Variants in COMMD1 observed in about 807,000 individuals in gnomAD.
COMMD1 encodes copper metabolism domain containing 1, also known as COMM domain-containing protein 1.
In COMMD1, 10 loss-of-function variants were observed where a neutral mutation model predicts 17.2. The ratio of observed to expected loss-of-function variants is 0.58; its 90% CI spans 0.36 to 0.99. COMMD1 has a LOEUF of 0.99. COMMD1 is among the 50% of genes least tolerant of loss of function. COMMD1 has a pLI of 0.01. For missense variants in COMMD1, 270 were observed against 231.8 expected (o/e 1.17, Z -1.07); for synonymous variants, 97 against 91.6 (o/e 1.06, Z -0.34).
intron 1 of COMMD1, among the ~76,000 whole-genome samples, chr2:61,965,002 C>T (rs1443080863): frequency 6.6e-6 from 1 of 152,112 alleles, no homozygotes; most frequent in African/African-American, 2.4e-5. Flanking sequence ...TGCCACTGTA[C>T]TCCAGCCTGG....
intron 1 of COMMD1, among the ~76,000 whole-genome samples, chr2:61,890,872 G>T (rs1037219290): frequency 6.7e-6 from 1 of 149,850 alleles, no homozygotes; most frequent in Non-Finnish European, 1.5e-5. Context: ...ACTAGGAAAT[G>T]AAGATCCATA....
chr2:62,009,308 AAAAAG>A (rs1454864683), intron 2 of COMMD1, among the ~76,000 whole-genome samples: 1 of 152,154 alleles, frequency 6.6e-6, no homozygotes, highest in Non-Finnish European at 1.5e-5. Flanking sequence ...TTATAAGAGA[AAAAAG>A]AAAGAATAAG....
At chr2:62,066,749 A>G (rs1573140096) in intron 2 of COMMD1, among the ~76,000 whole-genome samples, 1 of 132,284 alleles carries the variant, frequency 7.6e-6, no homozygotes. Flanking sequence ...TTTTTGAGAC[A>G]CAGTCTTGCT....
intron 2 of COMMD1, among the ~76,000 whole-genome samples, chr2:62,133,292 C>G (rs1286280400): frequency 6.6e-6 from 1 of 152,136 alleles, no homozygotes; most frequent in Admixed American, 6.5e-5. Context: ...AAAACCAACT[C>G]CTGAATGTTC....
At chr2:61,932,775 G>T (rs974315046) in intron 1 of COMMD1, among the ~76,000 whole-genome samples, 8 of 152,170 alleles carry the variant, frequency 5.3e-5, no homozygotes, top group Non-Finnish European at 2.9e-5. Flanking sequence ...GTGCAGGAAC[G>T]AGAGCAAATG....
intron 2 of COMMD1, among the ~76,000 whole-genome samples, chr2:62,115,205 T>C (rs1672557935): frequency 6.6e-6 from 1 of 152,214 alleles, no homozygotes; most frequent in African/African-American, 2.4e-5. Flanking sequence ...TAGAAGGTGG[T>C]GGAGTCTTTA....
At chr2:62,078,667 G>C (rs1245919531) in intron 2 of COMMD1, among the ~76,000 whole-genome samples, 1 of 151,088 alleles carries the variant, frequency 6.6e-6, no homozygotes, top group Non-Finnish European at 1.5e-5. Context: ...AGGAGTTTGA[G>C]ACCAGCGTGG....
At chr2:61,997,484 A>G (rs1372546611) in intron 1 of COMMD1, among the ~76,000 whole-genome samples, 5 of 152,160 alleles carry the variant, frequency 3.3e-5, no homozygotes, top group African/African-American at 4.8e-5. Context: ...CGTCTCCATC[A>G]GAGCTCTTGA....
At chr2:61,994,578 G>T (rs1448901957) in intron 1 of COMMD1, among the ~76,000 whole-genome samples, 2 of 152,080 alleles carry the variant, frequency 1.3e-5, no homozygotes, top group Admixed American at 1.3e-4. Context: ...GGTTCCAAAT[G>T]ATAGGAATAC....
At chr2:62,104,989 A>G (rs943408308) in intron 2 of COMMD1, among the ~76,000 whole-genome samples, 1 of 151,616 alleles carries the variant, frequency 6.6e-6, no homozygotes, top group African/African-American at 2.4e-5. Context: ...GCCAGGCATG[A>G]TGGCACCTGC....
At chr2:62,113,990 C>T (rs546189945) in intron 2 of COMMD1, among the ~76,000 whole-genome samples, 7 of 152,250 alleles carry the variant, frequency 4.6e-5, no homozygotes, top group African/African-American at 1.2e-4. Context: ...TACAATTTTC[C>T]GTTAGCTTTG....
At chr2:62,041,904 A>G (rs1670217938) in intron 2 of COMMD1, among the ~76,000 whole-genome samples, 2 of 152,240 alleles carry the variant, frequency 1.3e-5, no homozygotes, top group Admixed American at 1.3e-4. Context: ...AAGAGTGAGC[A>G]GCAGCAAGAT....
intron 1 of COMMD1, among the ~76,000 whole-genome samples, chr2:61,946,414 T>G (rs758708539): frequency 3.3e-4 from 50 of 152,328 alleles, no homozygotes; most frequent in Non-Finnish European, 6.2e-4. Flanking sequence ...CAGGTCACTT[T>G]TTTAAAAGAA....
chr2:61,988,396 G>A lies in COMMD1; in HGVS notation c.181-12305G>A, dbSNP rs11681569. Among the ~76,000 whole-genome samples, 1,508 of 152,290 alleles carry A rather than the reference G, an allele frequency of 9.9e-3. 10 individuals carry two copies. The highest frequency in any genetic ancestry group is 0.019 in the South Asian group (94 of 4,828). Reference sequence around the variant, plus strand: ...GAGGTGATGAATCCCGCCAGCAGTGGATCCTTCCCTTCATAGCAACTGGTT... The same window carrying A: ...GAGGTGATGAATCCCGCCAGCAGTGAATCCTTCCCTTCATAGCAACTGGTT... On this transcript the variant is annotated intron_variant, in intron 1 of 2. Coordinates refer to ENST00000311832, the MANE Select transcript of COMMD1 (RefSeq NM_152516.4).
Position 62,018,569 on chromosome 2 carries a change from G to A in COMMD1, c.462+17587G>A, listed in dbSNP as rs1021984251. On this transcript the variant is annotated intron_variant, in intron 2 of 2. Coordinates refer to ENST00000311832, the MANE Select transcript of COMMD1 (RefSeq NM_152516.4). ...TTAATGAGCATTATGGTTATTTTCC[G>A]GCTTTATTGGGATATAGTTGGCAAA... Among the ~76,000 whole-genome samples, 8 of 152,000 alleles carry A rather than the reference G, an allele frequency of 5.3e-5. No homozygotes were observed. The South Asian group carries it at 1.5e-3, about 28-fold the overall frequency.
chr2:62,029,645 A>G (rs1429261024), intron 2 of COMMD1, among the ~76,000 whole-genome samples: 1 of 152,228 alleles, frequency 6.6e-6, no homozygotes, highest in Non-Finnish European at 1.5e-5. Context: ...ATCACATTTG[A>G]AAAGAAAATT....
At chr2:62,046,988 G>A (rs6708208) in intron 2 of COMMD1, among the ~76,000 whole-genome samples, 58,760 of 152,032 alleles carry the variant, frequency 0.39, 12,742 homozygotes, top group African/African-American at 0.6. Context: ...CTTGCTTGAG[G>A]AAGAAGACAT....
chr2:62,097,978 C>T (rs769706523), intron 2 of COMMD1, among the ~76,000 whole-genome samples: 9 of 152,000 alleles, frequency 5.9e-5, no homozygotes, highest in African/African-American at 1.2e-4. Flanking sequence ...TGCAAGCACC[C>T]GTTTAAGTTT....
chr2:62,056,255 C>T (rs1186025083), intron 2 of COMMD1, among the ~76,000 whole-genome samples: 1 of 152,174 alleles, frequency 6.6e-6, no homozygotes, highest in Non-Finnish European at 1.5e-5. Context: ...TTAGCATCCA[C>T]ATTTAAGTAC....
Sources: allele counts gnomAD v4.1 joint callset (sites outside exome capture counted in the v4.1 genomes callset), GRCh38; gene constraint gnomAD v4.1.1; transcripts MANE v1.5; gene names NCBI Gene and HGNC (gene_info 2026-07-23, HGNC 2026-07-21).